The following UBE3B variants were observed in gnomAD, a reference collection of about 807,000 sequenced individuals.
The protein encoded by UBE3B is ubiquitin-protein ligase E3B.
A neutral mutation model predicts 132.3 loss-of-function variants in UBE3B; 80 were observed. That is an observed-to-expected ratio of 0.60 (90% CI 0.50 to 0.73). The LOEUF is 0.73. Ranked by LOEUF, UBE3B falls within the 30% of genes least tolerant of loss-of-function variation. The pLI is 0.00. For synonymous variants in UBE3B, 487 were observed against 520.4 expected (o/e 0.94, Z 0.87); for missense variants, 1,196 against 1,362.5 (o/e 0.88, Z 1.92).
At chr12:109,519,304 G>A (rs1349958274) in intron 19 of UBE3B, among the ~76,000 whole-genome samples, 1 of 152,184 alleles carries the variant, frequency 6.6e-6, no homozygotes, top group Non-Finnish European at 1.5e-5. Context: ...GAAGAGGAAC[G>A]CTGACTCACA....
At chr12:109,542,486 A>G in the UBE3B span, among the ~76,000 whole-genome samples, 1 of 152,232 alleles carries the variant, frequency 6.6e-6, no homozygotes, top group Non-Finnish European at 1.5e-5. Flanking sequence ...TATGGGTTGA[A>G]TTCTGTCCCA....
At chr12:109,503,864 G>A (rs554355689) in intron 14 of UBE3B, among the ~76,000 whole-genome samples, 3 of 152,306 alleles carry the variant, frequency 2.0e-5, no homozygotes, top group African/African-American at 7.2e-5. Flanking sequence ...AGGATTAAGA[G>A]CTTCTCTGCT....
chr12:109,512,073 T>A (rs956857892), intron 18 of UBE3B, among the ~76,000 whole-genome samples: 2 of 152,090 alleles, frequency 1.3e-5, no homozygotes, highest in African/African-American at 4.8e-5. Context: ...GAGTTCAGCA[T>A]CGAGCAGGTA....
chr12:109,542,052 A>C, the UBE3B span, among the ~76,000 whole-genome samples: 1 of 152,190 alleles, frequency 6.6e-6, no homozygotes, highest in Non-Finnish European at 1.5e-5. Context: ...CATTCAACCC[A>C]CTACAACTGT....
At chr12:109,480,412 C>T (rs1034208510) in intron 1 of UBE3B, among the ~76,000 whole-genome samples, 8 of 152,164 alleles carry the variant, frequency 5.3e-5, no homozygotes, top group African/African-American at 1.7e-4. Context: ...TTTTGGGAGG[C>T]CAAGGCAGGA....
At chr12:109,519,051 T>G (rs1566104964) in intron 19 of UBE3B, among the ~76,000 whole-genome samples, 1 of 152,182 alleles carries the variant, frequency 6.6e-6, no homozygotes, top group Non-Finnish European at 1.5e-5. Context: ...GATATTAAAG[T>G]CCTGTAGGAA....
At chr12:109,545,804 C>T in the UBE3B span, among the ~76,000 whole-genome samples, 1 of 152,138 alleles carries the variant, frequency 6.6e-6, no homozygotes, top group Non-Finnish European at 1.5e-5. Flanking sequence ...TGAGTTCCCA[C>T]AGCATTTTAA....
intron 24 of UBE3B, among the ~76,000 whole-genome samples, chr12:109,528,803 C>T (rs117870959): frequency 0.054 from 8,129 of 151,160 alleles, 302 homozygotes; most frequent in Non-Finnish European, 0.082. Flanking sequence ...TGAGCCGAAT[C>T]GCGCCATTGC....
At chr12:109,540,930 G>C (rs752371397), downstream of UBE3B, among the ~76,000 whole-genome samples, 1 of 152,236 alleles carries the variant, frequency 6.6e-6, no homozygotes, top group Admixed American at 6.5e-5. Context: ...TGGGACCCAC[G>C]CAAGAAGTGC....
In UBE3B at chr12:109,524,606, C is replaced by G. The variant is rs994467489; in HGVS notation, c.2568+103C>G. ...TCAGAAAGAGCCCCAAGCTGAGGCT[C>G]TGTCTGGTCCCTTGTCCTCCCCACC... On this transcript the variant is annotated intron_variant, in intron 23 of 27. Transcript: ENST00000342494. The G allele has an allele frequency of 3.7e-5, 49 of 1,315,284 alleles. No homozygotes were observed. In the Middle Eastern group the frequency reaches 5.7e-4, roughly 15 times the overall value. 81.5% of individuals were successfully genotyped at this position (1,315,284 alleles called of 1,614,324 possible).
chr12:109,524,727 T>A (rs1882127277), intron 23 of UBE3B, among the ~76,000 whole-genome samples: 1 of 152,146 alleles, frequency 6.6e-6, no homozygotes, highest in South Asian at 2.1e-4. Flanking sequence ...GAGACCCTGC[T>A]TTCTTATATC....
chr12:109,489,197 G>A (rs537012284), intron 7 of UBE3B, among the ~76,000 whole-genome samples: 3 of 152,222 alleles, frequency 2.0e-5, no homozygotes, highest in Non-Finnish European at 4.4e-5. Flanking sequence ...GACTTTAGGT[G>A]CTCCCTTCCT....
chr12:109,489,365 C>T (rs1877041915), intron 7 of UBE3B, among the ~76,000 whole-genome samples: 1 of 152,176 alleles, frequency 6.6e-6, no homozygotes, highest in African/African-American at 2.4e-5. Context: ...GGGTCTCTAG[C>T]TTTCCTGAAG....
the UBE3B span, among the ~76,000 whole-genome samples, chr12:109,546,387 C>T: frequency 2.6e-5 from 4 of 152,154 alleles, no homozygotes; most frequent in Admixed American, 6.5e-5. Flanking sequence ...CTCTGCCTCA[C>T]TTAGAAAAGA....
chr12:109,526,074 C>CTCTA (rs529595881), intron 23 of UBE3B, among the ~76,000 whole-genome samples: 29 of 152,324 alleles, frequency 1.9e-4, no homozygotes, highest in African/African-American at 6.0e-4. Flanking sequence ...AACCGTCCTA[C>CTCTA]TCTACTCCGA....
rs531412083 is a variant in UBE3B at position 109,479,634 on chromosome 12, G to A, written c.-128+1525G>A. Among the ~76,000 whole-genome samples the A allele has an allele frequency of 2.6e-5, 4 of 152,272 alleles. No homozygotes were observed. In the South Asian group the frequency reaches 6.2e-4, roughly 24 times the overall value. On this transcript the variant is annotated intron_variant, in intron 1 of 27. Transcript: ENST00000342494. ...TTGATTGTGTGTTTTATTAATTGAC[G>A]AACTATAGTATACACTGTGCAGGTG...
Position 109,530,086 on chromosome 12 carries a change from G to A in UBE3B, c.2810+14G>A, listed in dbSNP as rs11067105. 3.0e-5 allele frequency: 49 copies of A among 1,611,396 alleles called. No homozygotes were observed. The highest frequency in any genetic ancestry group is 4.5e-5 in the East Asian group (2 of 44,840). On this transcript the variant is annotated intron_variant, in intron 25 of 27. Coordinates refer to ENST00000342494, the MANE Select transcript of UBE3B (RefSeq NM_130466.4). The stretch of plus-strand genomic sequence containing the variant: ...GGAAGATTTAAAGTAAGAGGCGGGT[G>A]GGGGGAAGGGTGAAATTCCTTGGCC...
chr12:109,501,492 C>G lies in UBE3B; in HGVS notation c.1240C>G (p.His414Asp). The change falls in exon 13 of 28, where the codon CAC (histidine) becomes GAC (aspartate). Residue 414 changes from histidine (H) to aspartate (D), a missense_variant. Coordinates refer to ENST00000342494, the MANE Select transcript of UBE3B (RefSeq NM_130466.4). ...GCTACTGGAGAGCCAGGAGCCAGCC[C>G]ACGCACAGCCAGCATCCCCTCAGAA... ...KKLLESQEPA[H>D]AQPASPQNVL... 6.2e-7 allele frequency: 1 copy of G among 1,614,188 alleles called. No individual in the cohort carries two copies.
chr12:109,508,480 T>A, intron 15 of UBE3B: 1 of 981,668 alleles, frequency 1.0e-6, no homozygotes, highest in Non-Finnish European at 1.2e-6. Flanking sequence ...GTTTTTAAGC[T>A]TATGCATCTT....
Sources: allele counts gnomAD v4.1 joint callset (sites outside exome capture counted in the v4.1 genomes callset), GRCh38; gene constraint gnomAD v4.1.1; transcripts MANE v1.5; gene names NCBI Gene and HGNC (gene_info 2026-07-23, HGNC 2026-07-21).